The following FTO variants were observed in gnomAD, a reference collection of about 807,000 sequenced individuals.
FTO encodes the protein alpha-ketoglutarate-dependent dioxygenase FTO.
Under a neutral mutation model 63.9 loss-of-function variants are expected in FTO, and 47 were observed. The ratio of observed to expected loss-of-function variants is 0.74; its 90% confidence interval spans 0.58 to 0.94. The LOEUF is 0.94. Ranked by LOEUF, FTO falls within the 40% of genes least tolerant of loss-of-function variation. The probability of loss-of-function intolerance (pLI) is 0.00; values close to 1 mark genes in which losing one functional copy is unlikely to be tolerated. For synonymous variants in FTO, 207 were observed against 224.4 expected (o/e 0.92, Z 0.69); for missense variants, 562 against 618.1 (o/e 0.91, Z 0.96).
chr16:53,984,414 C>T (rs1170220085), intron 8 of FTO, among the ~76,000 whole-genome samples: 1 of 149,738 alleles, frequency 6.7e-6, no homozygotes, highest in Non-Finnish European at 1.5e-5. Context: ...ACTCGACCTC[C>T]CCAGCTCAAG....
In FTO at chr16:53,704,343, CAG is replaced by C. The variant is rs1971840325; in HGVS notation, c.45+115_45+116del. The C allele has an allele frequency of 2.4e-5, 25 of 1,027,534 alleles. No homozygotes were observed. In the South Asian group the frequency reaches 3.4e-4, roughly 14 times the overall value. 63.7% of individuals were successfully genotyped at this position (1,027,534 alleles called of 1,614,324 possible). A position where few individuals can be genotyped will look rare whatever the true frequency, so the allele number is the denominator to read the frequency against. On this transcript the variant is annotated intron_variant, in intron 1 of 8. Transcript: ENST00000471389. ...TGCGCGGTGTTAAACTAAGGGATGACAGGGCCTTGTCAGCAAGGGACCTGGAG... is the reference window on the plus strand; with the variant it reads ...TGCGCGGTGTTAAACTAAGGGATGACGGCCTTGTCAGCAAGGGACCTGGAG...
intron 8 of FTO, among the ~76,000 whole-genome samples, chr16:53,967,706 G>A (rs1055264987): frequency 2.0e-5 from 3 of 152,170 alleles, no homozygotes; most frequent in Non-Finnish European, 4.4e-5. Context: ...TCGAGACTGT[G>A]GGTTTTACAC....
intron 8 of FTO, among the ~76,000 whole-genome samples, chr16:54,098,321 G>T (rs1054017781): frequency 6.6e-6 from 1 of 152,168 alleles, no homozygotes; most frequent in African/African-American, 2.4e-5. Context: ...TGTTTCTAAA[G>T]AAGAGAAATC....
intron 4 of FTO, among the ~76,000 whole-genome samples, chr16:53,855,334 T>C (rs1420388622): frequency 6.6e-6 from 1 of 152,116 alleles, no homozygotes; most frequent in Non-Finnish European, 1.5e-5. Context: ...CCACTTTTAC[T>C]TGGATCATTT....
chr16:54,089,878 AAAG>A (rs1194627951), intron 8 of FTO, among the ~76,000 whole-genome samples: 1 of 152,128 alleles, frequency 6.6e-6, no homozygotes, highest in Non-Finnish European at 1.5e-5. Flanking sequence ...AAAAAAAAGA[AAAG>A]AAAATAACAA....
At chr16:53,854,039 T>C (rs1054527429) in intron 4 of FTO, among the ~76,000 whole-genome samples, 1 of 152,234 alleles carries the variant, frequency 6.6e-6, no homozygotes, top group Non-Finnish European at 1.5e-5. Context: ...TGATATCTCA[T>C]TGTGGTTTTA....
At chr16:53,825,762 TC>T (rs1190596945) in intron 2 of FTO, 101 bp from the exon 3 acceptor site, 3 of 1,323,642 alleles carry the variant, frequency 2.3e-6, no homozygotes, top group Non-Finnish European at 3.2e-6. Flanking sequence ...CACCAGGTAG[TC>T]CCCCCACAAC....
chr16:54,073,385 T>C (rs1441386180), intron 8 of FTO, among the ~76,000 whole-genome samples: 3 of 152,218 alleles, frequency 2.0e-5, no homozygotes, highest in Non-Finnish European at 4.4e-5. Context: ...TGAAAAATTC[T>C]AAGACTTTGA....
chr16:53,748,057 C>T (rs539599558), intron 1 of FTO, among the ~76,000 whole-genome samples: 4 of 152,054 alleles, frequency 2.6e-5, no homozygotes, highest in Non-Finnish European at 4.4e-5. Context: ...ATTACTATTG[C>T]TTTGTAATAT....
chr16:53,936,312 C>A lies in FTO; in HGVS notation c.1364+2203C>A, dbSNP rs553111001. Among the ~76,000 whole-genome samples, 140 of 152,198 alleles carry A rather than the reference C, an allele frequency of 9.2e-4. 1 individual carries two copies. Among genetic ancestry groups the A allele is most frequent in the Non-Finnish European group, 1.9e-3 (126 of 68,028 alleles). Reference sequence around the variant, plus strand: ...AAAGAAAATTTCAAGAGGCTGGTGTCTTGAGATCTCAGAAGGAAAAGTGTC... The same window carrying A: ...AAAGAAAATTTCAAGAGGCTGGTGTATTGAGATCTCAGAAGGAAAAGTGTC... On this transcript the variant is annotated intron_variant, in intron 8 of 8. Transcript: ENST00000471389.
chr16:53,940,211 G>T (rs983958992), intron 8 of FTO, among the ~76,000 whole-genome samples: 19 of 152,010 alleles, frequency 1.2e-4, no homozygotes, highest in African/African-American at 4.3e-4. Context: ...TTGTGGTTTT[G>T]AATTGCATTT....
intron 1 of FTO, among the ~76,000 whole-genome samples, chr16:53,739,128 C>T (rs2076463530): frequency 6.6e-6 from 1 of 152,118 alleles, no homozygotes; most frequent in Non-Finnish European, 1.5e-5. Flanking sequence ...CAATCTGGCC[C>T]TTGTCTGTCT....
chr16:53,934,184 G>T, intron 8 of FTO, 75 bp downstream of exon 8: 2 of 1,515,918 alleles, frequency 1.3e-6, no homozygotes, highest in Non-Finnish European at 1.8e-6. Flanking sequence ...CTTCCTTATG[G>T]CTGGCCTCAT....
chr16:53,845,202 T>C (rs72805641), intron 4 of FTO, among the ~76,000 whole-genome samples: 56,359 of 152,166 alleles, frequency 0.37, 10,570 homozygotes, highest in South Asian at 0.45. Context: ...TTGGCTCTTG[T>C]TCCTGATTAT....
chr16:53,810,002 G>A (rs2078478633), intron 1 of FTO, 138 bp from the exon 2 acceptor site: 4 of 599,780 alleles, frequency 6.7e-6, no homozygotes, highest in Non-Finnish European at 1.2e-5. Context: ...ATTGAGATTT[G>A]ACTAATTTCT....
At chr16:53,783,148 A>C (rs1226157235) in intron 1 of FTO, among the ~76,000 whole-genome samples, 2 of 152,214 alleles carry the variant, frequency 1.3e-5, no homozygotes, top group Non-Finnish European at 2.9e-5. Context: ...AACAGAATCA[A>C]GAGCAGCAGA....
intron 1 of FTO, among the ~76,000 whole-genome samples, chr16:53,737,377 C>T (rs2076413757): frequency 6.6e-6 from 1 of 152,076 alleles, no homozygotes; most frequent in Non-Finnish European, 1.5e-5. Context: ...TTACACAAAC[C>T]TAGATATGGT....
At chr16:53,908,599 G>C (rs1159550270) in intron 7 of FTO, among the ~76,000 whole-genome samples, 1 of 152,186 alleles carries the variant, frequency 6.6e-6, no homozygotes, top group Non-Finnish European at 1.5e-5. Context: ...TAGGTTGGCA[G>C]TCTTGTGACA....
intron 4 of FTO, among the ~76,000 whole-genome samples, chr16:53,857,440 G>GTCTCTCTCTCTCTCTCTC (rs147635985): frequency 2.6e-4 from 37 of 142,024 alleles, no homozygotes; most frequent in African/African-American, 9.5e-4. Flanking sequence ...TGAGAACCTG[G>GTCTCTCTCTCTCTCTCTC]TCTCTCTCTC....
Sources: gnomAD v4.1 joint callset for allele counts (sites outside exome capture counted in the v4.1 genomes callset) on GRCh38, gnomAD v4.1.1 for gene constraint, MANE v1.5 for transcripts, NCBI Gene and HGNC (gene_info 2026-07-23, HGNC 2026-07-21) for gene names.